The following PACSIN3 variants were observed in gnomAD, a reference collection of about 807,000 sequenced individuals.
PACSIN3 encodes the protein protein kinase C and casein kinase substrate in neurons protein 3.
A neutral mutation model predicts 56.1 loss-of-function variants in PACSIN3; 34 were observed. The ratio of observed to expected loss-of-function variants is 0.61; its 90% confidence interval spans 0.46 to 0.81. The LOEUF is 0.81. Ranked by LOEUF, PACSIN3 falls within the 30% of genes least tolerant of loss-of-function variation. The probability of loss-of-function intolerance (pLI) is 0.00; values close to 1 mark genes in which losing one functional copy is unlikely to be tolerated. For missense variants in PACSIN3, 535 were observed against 592.4 expected, an observed-to-expected ratio of 0.90 and a Z score of 1.01; for synonymous variants, 218 against 229.8, an observed-to-expected ratio of 0.95 and a Z score of 0.46.
Position 47,180,666 on chromosome 11 carries a change from T to C in PACSIN3, c.236A>G (p.Lys79Arg). The C allele has an allele frequency of 6.2e-7, 1 of 1,601,416 alleles. No homozygotes were observed. The highest frequency in any genetic ancestry group is 8.5e-7 in the Non-Finnish European group (1 of 1,179,402). Residue 79 changes from lysine to arginine, a missense_variant, in exon 5 of 11, where the codon AAG becomes AGG. Transcript: ENST00000298838. ...EKGPQYGTLE[K>R]AWHAFFTAAE... ...CGCCGTGAAAAAGGCATGCCAGGCCTTCTCCAGTGTGCCATACTGGGGGCC... is the reference window on the plus strand; with the variant it reads ...CGCCGTGAAAAAGGCATGCCAGGCCCTCTCCAGTGTGCCATACTGGGGGCC...
Position 47,179,346 on chromosome 11 carries a change from GC to G in PACSIN3, c.779+64del. 6.2e-7 allele frequency: 1 copy of G among 1,613,268 alleles called. No individual in the cohort carries two copies. The highest frequency in any genetic ancestry group is 8.5e-7 in the Non-Finnish European group (1 of 1,179,474). ...CCTGCATCCCTCAGTCCCAGCCAGG[GC>G]CTCGGGGAGATGGAGGAGACCCAGT... On this transcript the variant is annotated intron_variant, in intron 7 of 10. Coordinates refer to ENST00000298838, the MANE Select transcript of PACSIN3 (RefSeq NM_016223.5). The surrounding 1 kb of genome is among the most constrained non-coding windows in gnomAD (Gnocchi z 4.4).
chr11:47,184,734 C>A (rs1216806654), intron 1 of PACSIN3, among the ~76,000 whole-genome samples: 1 of 152,186 alleles, frequency 6.6e-6, no homozygotes, highest in African/African-American at 2.4e-5. Context: ...CCAGAAAGGA[C>A]CTGACAGGGC....
At position 47,178,296 on chromosome 11, in the gene PACSIN3, T is replaced by C; in HGVS notation, c.1159+70A>G. 1 of 1,582,386 alleles carries C rather than the reference T, an allele frequency of 6.3e-7. No individual in the cohort carries two copies. Among genetic ancestry groups the C allele is most frequent in the Non-Finnish European group, 8.6e-7 (1 of 1,160,468 alleles). ...GGCCCTTAAGAAGTGGGTATTTGGC[T>C]TCCCTTTCTGACACCCCTGCTCAGG... On this transcript the variant is annotated intron_variant, in intron 10 of 10. Coordinates refer to ENST00000298838, the MANE Select transcript of PACSIN3 (RefSeq NM_016223.5). The surrounding 1 kb of genome is among the most constrained non-coding windows in gnomAD (Gnocchi z 4.2).
At chr11:47,181,073 T>C (rs1018907806) in intron 4 of PACSIN3, among the ~76,000 whole-genome samples, 2 of 151,786 alleles carry the variant, frequency 1.3e-5, no homozygotes, top group African/African-American at 4.8e-5. Flanking sequence ...CCATCCTGGC[T>C]AACACGGTGA....
chr11:47,179,860 G>A lies in PACSIN3; in HGVS notation c.604-274C>T. The A allele has an allele frequency of 1.8e-6, 1 of 558,238 alleles. No individual in the cohort carries two copies. Among genetic ancestry groups the A allele is most frequent in the East Asian group, 2.9e-5 (1 of 34,460 alleles). The allele number at this position is 558,238 out of a possible 1,614,324, so 34.6% of individuals were successfully genotyped here. A position where few individuals can be genotyped will look rare whatever the true frequency, so the allele number is the denominator to read the frequency against. On this transcript the variant is annotated intron_variant, in intron 6 of 10. Coordinates refer to ENST00000298838, the MANE Select transcript of PACSIN3 (RefSeq NM_016223.5). This position sits in a 1 kb window ranked among gnomAD's most constrained non-coding sequence, Gnocchi z 4.4. Reference sequence around the variant, plus strand: ...TCAGAAAAGGCTTCCTGGAGGAGGTGGAAACTGCAGCATCTCAGGATGGGG... The same window carrying A: ...TCAGAAAAGGCTTCCTGGAGGAGGTAGAAACTGCAGCATCTCAGGATGGGG...
At chr11:47,180,381 A>T in intron 5 of PACSIN3, 40 bp from the exon 6 acceptor site, 2 of 1,599,628 alleles carry the variant, frequency 1.3e-6, no homozygotes, top group East Asian at 4.5e-5. Context: ...TGGATGCCAC[A>T]CCTTGGCCCC....
At position 47,186,417 on chromosome 11, in the gene PACSIN3, G is replaced by A. The variant is rs1275379781; in HGVS notation, c.-172C>T. Reference sequence around the variant, plus strand: ...CTCCGGCCCGAGTCCTGCCGCTCCTGGGCCCGCGCCGCGGCCTCCCGGAGC... The same window carrying A: ...CTCCGGCCCGAGTCCTGCCGCTCCTAGGCCCGCGCCGCGGCCTCCCGGAGC... On this transcript the variant is annotated 5_prime_UTR_variant, in exon 1 of 11. Coordinates refer to ENST00000298838, the MANE Select transcript of PACSIN3 (RefSeq NM_016223.5). This position sits in a 1 kb window ranked among gnomAD's most constrained non-coding sequence, Gnocchi z 4.5. The A allele has an allele frequency of 6.6e-6, 1 of 150,908 alleles. No homozygotes were observed. Among genetic ancestry groups the A allele is most frequent in the African/African-American group, 2.4e-5 (1 of 41,180 alleles). 9.3% of individuals were successfully genotyped at this position (150,908 alleles called of 1,614,324 possible).
intron 1 of PACSIN3, among the ~76,000 whole-genome samples, chr11:47,183,712 C>T (rs907243041): frequency 1.2e-4 from 19 of 152,334 alleles, no homozygotes; most frequent in Admixed American, 7.8e-4. Flanking sequence ...AAGTGAGAAG[C>T]GATGGCCAAC....
chr11:47,184,972 C>T (rs1235345308), intron 1 of PACSIN3, among the ~76,000 whole-genome samples: 1 of 152,218 alleles, frequency 6.6e-6, no homozygotes, highest in African/African-American at 2.4e-5. Flanking sequence ...GCCCAAGCCC[C>T]GGGTGCAGCC....
In PACSIN3 at chr11:47,178,978, C is replaced by T. The variant is rs201103192; in HGVS notation, c.953G>A (p.Arg318Gln). 2.5e-5 allele frequency: 41 copies of T among 1,614,060 alleles called. No homozygotes were observed. Among genetic ancestry groups the T allele is most frequent in the African/African-American group, 5.3e-5 (4 of 75,044 alleles). ...GGTCAGGGTAACCTCATCAGGGCTC[C>T]GGCCACCCTTCTCTTTCCGGCTGAT... ...RTISRKEKGG[R>Q]SPDEVTLTSI... The change falls in exon 9 of 11, where the codon CGG becomes CAG. Residue 318 changes from arginine to glutamine, a missense_variant. By Grantham distance (43) the Arg-to-Gln change is conservative. Transcript: ENST00000298838. This position sits in a 1 kb window ranked among gnomAD's most constrained non-coding sequence, Gnocchi z 4.2.
chr11:47,180,141 G>A (rs1590972229), intron 6 of PACSIN3, 45 bp downstream of exon 6: 2 of 1,561,562 alleles, frequency 1.3e-6, no homozygotes, highest in East Asian at 4.5e-5. Flanking sequence ...CATTCAGGAA[G>A]CCGTGCCCTG....
chr11:47,178,106 TG>T lies in PACSIN3; in HGVS notation c.1160-61del. On this transcript the variant is annotated intron_variant, in intron 10 of 10. Transcript: ENST00000298838. The surrounding 1 kb of genome is among the most constrained non-coding windows in gnomAD (Gnocchi z 4.2). ...CTGGCCCAGGCCCTGTTCCTGCAAC[TG>T]GGTCAAGGACTGAGGGGGATGGTGT... 1 of 1,448,286 alleles carries T rather than the reference TG, an allele frequency of 6.9e-7. No individual in the cohort carries two copies. The highest frequency in any genetic ancestry group is 9.6e-7 in the Non-Finnish European group (1 of 1,040,850). 89.7% of individuals were successfully genotyped at this position (1,448,286 alleles called of 1,614,324 possible). A position where few individuals can be genotyped will look rare whatever the true frequency, so the allele number is the denominator to read the frequency against.
Position 47,179,524 on chromosome 11 carries a change from C to T in PACSIN3, c.666G>A (p.Glu222=), listed in dbSNP as rs1163197375. The change falls in exon 7 of 11, where the codon GAG becomes GAA. Residue 222 remains glutamate, a synonymous_variant. Coordinates refer to ENST00000298838, the MANE Select transcript of PACSIN3 (RefSeq NM_016223.5). This position sits in a 1 kb window ranked among gnomAD's most constrained non-coding sequence, Gnocchi z 4.4. The part of the protein sequence containing the change: ...ELHRYTPRYM[E]DMEQAFETCQ... ...AGGTCTCAAAGGCCTGTTCCATGTCCTCCATGTAGCGTGGAGTGTAGCGAT... is the reference window on the plus strand; with the variant it reads ...AGGTCTCAAAGGCCTGTTCCATGTCTTCCATGTAGCGTGGAGTGTAGCGAT... The T allele has an allele frequency of 6.2e-7, 1 of 1,613,832 alleles. No individual in the cohort carries two copies. The highest frequency in any genetic ancestry group is 1.3e-5 in the African/African-American group (1 of 74,942).
chr11:47,180,697 G>A lies in PACSIN3; in HGVS notation c.212-7C>T. On this transcript the variant is annotated splice_polypyrimidine_tract_variant and splice_region_variant and intron_variant, in intron 4 of 10. Transcript: ENST00000298838. ...AGTGTGCCATACTGGGGGCCTGCAGGGAGGGACAGGGCTTAGGCCAGGCCT... is the reference window on the plus strand; with the variant it reads ...AGTGTGCCATACTGGGGGCCTGCAGAGAGGGACAGGGCTTAGGCCAGGCCT... The A allele has an allele frequency of 1.3e-6, 2 of 1,589,336 alleles. No homozygotes were observed. The highest frequency in any genetic ancestry group is 2.2e-5 in the South Asian group (2 of 89,708).
rs1273326011 is a variant in PACSIN3, at chr11:47,186,069, CG to C, written c.-104+279del. 1.3e-5 allele frequency among the ~76,000 whole-genome samples: 2 copies of C among 151,956 alleles called. No individual in the cohort carries two copies. The highest frequency in any genetic ancestry group is 2.9e-5 in the Non-Finnish European group (2 of 67,904). On this transcript the variant is annotated intron_variant, in intron 1 of 10. Coordinates refer to ENST00000298838, the MANE Select transcript of PACSIN3 (RefSeq NM_016223.5). This position sits in a 1 kb window ranked among gnomAD's most constrained non-coding sequence, Gnocchi z 4.5. ...TCGGGGCGGGCGCGAGGCGAGCGGA[CG>C]GGGGCCCTCGAGGGGCCCCTGAAGA...
chr11:47,177,787 TC>T lies in PACSIN3; in HGVS notation c.*143del. ...CTTCCCTAGACAAAGGCCCCTCCCC[TC>T]CCTGGGTCCCAGGACTTCCTCCCTC... On this transcript the variant is annotated 3_prime_UTR_variant, in exon 11 of 11. Coordinates refer to ENST00000298838, the MANE Select transcript of PACSIN3 (RefSeq NM_016223.5). 1.4e-6 allele frequency: 1 copy of T among 694,992 alleles called. No individual in the cohort carries two copies. Among genetic ancestry groups the T allele is most frequent in the Non-Finnish European group, 2.5e-6 (1 of 395,220 alleles). 43.1% of individuals were successfully genotyped at this position (694,992 alleles called of 1,614,324 possible).
Position 47,177,644 on chromosome 11 carries a change from C to G in PACSIN3, c.*287G>C. 1 of 464,168 alleles carries G rather than the reference C, an allele frequency of 2.2e-6. No individual in the cohort carries two copies. Among genetic ancestry groups the G allele is most frequent in the Non-Finnish European group, 3.9e-6 (1 of 259,184 alleles). The allele number at this position is 464,168 out of a possible 1,614,324, so 28.8% of individuals were successfully genotyped here. On this transcript the variant is annotated 3_prime_UTR_variant, in exon 11 of 11. Transcript: ENST00000298838. ...CAAGCCCACCCCAGGAACCCCAAAG[C>G]AGAGGTCAGGAACTGAGTCCACAGC... is the stretch of plus-strand genomic sequence containing the variant.
At position 47,179,167 on chromosome 11, in the gene PACSIN3, G is replaced by A. The variant is rs1952963298; in HGVS notation, c.892C>T (p.Gln298Ter). ...CCGCCTGGAACACATGCCTCGAACT[G>A]TGGCCAGTTCATGGCCATGCCTGGC... ...HGPGMAMNWP[Q>*]FEEWSLDTQR... is the part of the protein sequence containing the mutation. The change falls in exon 8 of 11, where the codon CAG becomes TAG. Residue 298 changes from glutamine (Q) to a stop codon, truncating the protein, a stop_gained. Coordinates refer to ENST00000298838, the MANE Select transcript of PACSIN3 (RefSeq NM_016223.5). LOFTEE classifies it high-confidence loss of function. The surrounding 1 kb of genome is among the most constrained non-coding windows in gnomAD (Gnocchi z 4.4). The A allele has an allele frequency of 1.2e-6, 2 of 1,613,630 alleles. No homozygotes were observed. The highest frequency in any genetic ancestry group is 1.7e-6 in the Non-Finnish European group (2 of 1,180,028).
At position 47,178,609 on chromosome 11, in the gene PACSIN3, A is replaced by G; in HGVS notation, c.1038-122T>C. On this transcript the variant is annotated intron_variant, in intron 9 of 10. Transcript: ENST00000298838. The surrounding 1 kb of genome is among the most constrained non-coding windows in gnomAD (Gnocchi z 4.2). ...GGCACCTGGGAGAGTCAGGTGAGGT[A>G]CTAAAGATTCTAGCTCTACCTCGCC... The G allele has an allele frequency of 1.5e-6, 2 of 1,303,828 alleles. No homozygotes were observed. Among genetic ancestry groups the G allele is most frequent in the Non-Finnish European group, 2.1e-6 (2 of 959,980 alleles). The allele number at this position is 1,303,828 out of a possible 1,614,324, so 80.8% of individuals were successfully genotyped here.
Sources: allele counts gnomAD v4.1 joint callset (sites outside exome capture counted in the v4.1 genomes callset), GRCh38; gene constraint gnomAD v4.1.1; non-coding constraint Gnocchi (gnomAD v3.1); transcripts MANE v1.5; gene names NCBI Gene and HGNC (gene_info 2026-07-23, HGNC 2026-07-21).